Variants in CCDC172 observed in about 807,000 individuals in gnomAD.
CCDC172 encodes coiled-coil domain-containing protein 172.
CCDC172 carries 30 observed loss-of-function variants against 38.0 expected under a neutral mutation model. The observed-to-expected ratio is 0.79, with a 90% CI of 0.59 to 1.07. CCDC172 has a LOEUF of 1.07. Ranked by LOEUF, CCDC172 falls within the 50% of genes least tolerant of loss-of-function variation. The pLI is 0.00. For synonymous variants in CCDC172, 78 were observed against 88.3 expected, an observed-to-expected ratio of 0.88 and a Z score of 0.66; for missense variants, 297 against 290.1, an observed-to-expected ratio of 1.02 and a Z score of -0.17.
intron 3 of CCDC172, 60 bp downstream of exon 3, chr10:116,325,448 T>G: frequency 5.3e-6 from 7 of 1,331,598 alleles, no homozygotes; most frequent in Non-Finnish European, 6.4e-6. Flanking sequence ...ACTTGACTTT[T>G]GGGGGATATT....
At chr10:116,366,711 C>T (rs762127219) in intron 7 of CCDC172, among the ~76,000 whole-genome samples, 19 of 152,260 alleles carry the variant, frequency 1.2e-4, no homozygotes, top group African/African-American at 4.6e-4. Flanking sequence ...GTGGGGCATG[C>T]GAATGTTGAA....
chr10:116,356,946 T>C (rs1028917411), intron 5 of CCDC172, among the ~76,000 whole-genome samples: 2 of 152,158 alleles, frequency 1.3e-5, no homozygotes, highest in Non-Finnish European at 2.9e-5. Flanking sequence ...TAAAAAGAGT[T>C]ACTAGTTGGC....
intron 5 of CCDC172, among the ~76,000 whole-genome samples, chr10:116,343,105 T>C (rs1844816365): frequency 1.3e-5 from 2 of 152,106 alleles, no homozygotes; most frequent in South Asian, 4.2e-4. Context: ...GTAGGGAAAG[T>C]CAAGGATAAA....
At chr10:116,334,122 G>A (rs781378704) in intron 3 of CCDC172, among the ~76,000 whole-genome samples, 5 of 152,216 alleles carry the variant, frequency 3.3e-5, no homozygotes, top group Admixed American at 6.5e-5. Flanking sequence ...GAAAGGGAGA[G>A]ATGGGACCAC....
At chr10:116,330,486 A>T (rs1844647298) in intron 3 of CCDC172, among the ~76,000 whole-genome samples, 1 of 152,210 alleles carries the variant, frequency 6.6e-6, no homozygotes, top group South Asian at 2.1e-4. Context: ...AGTGCAATGT[A>T]GACCAATGGA....
At chr10:116,360,120 G>A (rs1845045189) in intron 7 of CCDC172, among the ~76,000 whole-genome samples, 1 of 152,136 alleles carries the variant, frequency 6.6e-6, no homozygotes, top group South Asian at 2.1e-4. Context: ...ACACATTTAA[G>A]CAGCTGACTT....
chr10:116,326,061 A>G (rs1844588539), intron 3 of CCDC172, among the ~76,000 whole-genome samples: 2 of 152,204 alleles, frequency 1.3e-5, no homozygotes, highest in African/African-American at 4.8e-5. Flanking sequence ...AAGGGCTGAT[A>G]TCTGGGAATA....
chr10:116,349,769 T>C (rs1177998108), intron 5 of CCDC172, among the ~76,000 whole-genome samples: 1 of 152,052 alleles, frequency 6.6e-6, no homozygotes, highest in African/African-American at 2.4e-5. Flanking sequence ...AAAAAATCCC[T>C]GCCCCCATGG....
chr10:116,333,942 T>C (rs1341103881), intron 3 of CCDC172, among the ~76,000 whole-genome samples: 1 of 152,202 alleles, frequency 6.6e-6, no homozygotes, highest in Non-Finnish European at 1.5e-5. Flanking sequence ...ATTTCTCGTG[T>C]AGGCTTTGTT....
rs1371439162 is a variant in CCDC172 at position 116,342,204 on chromosome 10, A to G, written c.448+3A>G. The G allele has an allele frequency of 3.3e-6, 5 of 1,519,782 alleles. No homozygotes were observed. Among genetic ancestry groups the G allele is most frequent in the Non-Finnish European group, 3.5e-6 (4 of 1,145,096 alleles). 94.1% of individuals were successfully genotyped at this position (1,519,782 alleles called of 1,614,324 possible). On this transcript the variant is annotated splice_donor_region_variant and intron_variant, in intron 5 of 8. Coordinates refer to ENST00000333254, the MANE Select transcript of CCDC172 (RefSeq NM_198515.3). ...CCAAGCAAACATGTTGAAAAGTGGT[A>G]TGAATAAATATCACCTCATTTGTCT...
intron 3 of CCDC172, among the ~76,000 whole-genome samples, chr10:116,332,405 TTTTA>T (rs1250505256): frequency 1.3e-5 from 2 of 152,252 alleles, no homozygotes; most frequent in East Asian, 1.9e-4. Flanking sequence ...GTTCTTATTT[TTTTA>T]TTTGTTTTTT....
At position 116,379,415 on chromosome 10, in the gene CCDC172, C is replaced by A; in HGVS notation, c.*57C>A. 8.2e-7 allele frequency: 1 copy of A among 1,223,498 alleles called. No individual in the cohort carries two copies. Among genetic ancestry groups the A allele is most frequent in the South Asian group, 1.5e-5 (1 of 68,260 alleles). 75.8% of individuals were successfully genotyped at this position (1,223,498 alleles called of 1,614,324 possible). The stretch of plus-strand genomic sequence containing the variant: ...TGATCAGAATATCTGAGAATCAAAT[C>A]TTTGTGATAGATATATGAATGGTAC... On this transcript the variant is annotated 3_prime_UTR_variant, in exon 9 of 9. Transcript: ENST00000333254.
Position 116,376,477 on chromosome 10 carries a change from G to GA in CCDC172, c.654-1939dup, listed in dbSNP as rs750253849. On this transcript the variant is annotated intron_variant, in intron 7 of 8. Transcript: ENST00000333254. Reference sequence around the variant, plus strand: ...GCTTTTGTTTATGTTTTTCTTTTCAGAAAAAAATGTTAGTCATAATGCCAG... The same window carrying GA: ...GCTTTTGTTTATGTTTTTCTTTTCAGAAAAAAAATGTTAGTCATAATGCCAG... Among the ~76,000 whole-genome samples, 14 of 151,998 alleles carry GA rather than the reference G, an allele frequency of 9.2e-5. No homozygotes were observed. The East Asian group carries it at 1.2e-3, about 13-fold the overall frequency.
rs1844577186 is a variant in CCDC172 at position 116,325,317 on chromosome 10, A to G, written c.94A>G (p.Thr32Ala). The G allele has an allele frequency of 6.2e-7, 1 of 1,613,418 alleles. No individual in the cohort carries two copies. Among genetic ancestry groups the G allele is most frequent in the South Asian group, 1.1e-5 (1 of 91,032 alleles). The part of the protein sequence containing the change: ...RLMREVRSEI[T>A]RCREKIKKAT... ...TTTTATTACAGTAAGGTCGGAAATA[A>G]CCAGATGTCGTGAAAAAATTAAGAA... Residue 32 changes from threonine (T) to alanine (A), a missense_variant, in exon 3 of 9, where the codon ACC becomes GCC. Thr to Ala is a moderately conservative substitution (Grantham distance 58). Coordinates refer to ENST00000333254, the MANE Select transcript of CCDC172 (RefSeq NM_198515.3).
At chr10:116,367,374 T>A (rs894112482) in intron 7 of CCDC172, among the ~76,000 whole-genome samples, 1 of 152,160 alleles carries the variant, frequency 6.6e-6, no homozygotes, top group African/African-American at 2.4e-5. Context: ...CCCAAAAATA[T>A]GTGCAACTAT....
intron 5 of CCDC172, among the ~76,000 whole-genome samples, chr10:116,347,113 A>G (rs1464739841): frequency 2.8e-5 from 2 of 71,816 alleles, no homozygotes; most frequent in Non-Finnish European, 9.1e-5. Context: ...GCTCAGAGAT[A>G]GTTCTGGGCT....
intron 8 of CCDC172, 141 bp from the exon 9 acceptor site, chr10:116,379,182 C>A: frequency 4.1e-6 from 2 of 485,546 alleles, no homozygotes; most frequent in Non-Finnish European, 7.1e-6. Flanking sequence ...AATAAGTTAC[C>A]TTTGAATTTA....
chr10:116,358,972 A>G (rs1025590404), intron 7 of CCDC172, among the ~76,000 whole-genome samples: 2 of 152,210 alleles, frequency 1.3e-5, no homozygotes, highest in African/African-American at 4.8e-5. Flanking sequence ...TCTGTTAGAG[A>G]ATGCTTTTTC....
intron 5 of CCDC172, among the ~76,000 whole-genome samples, chr10:116,346,786 T>G (rs556378544): frequency 6.6e-6 from 1 of 152,226 alleles, no homozygotes; most frequent in Non-Finnish European, 1.5e-5. Context: ...TTTTATTCTT[T>G]CAGAAAGTCT....
Sources: gnomAD v4.1 joint callset for allele counts (sites outside exome capture counted in the v4.1 genomes callset) on GRCh38, gnomAD v4.1.1 for gene constraint, MANE v1.5 for transcripts, NCBI Gene and HGNC (gene_info 2026-07-23, HGNC 2026-07-21) for gene names.